Variants in C8orf34 observed in about 807,000 individuals in gnomAD.
The protein encoded by C8orf34 is uncharacterized protein C8orf34.
In C8orf34, 65 loss-of-function variants were observed where a neutral mutation model predicts 68.3. That is an observed-to-expected ratio of 0.95 (90% confidence interval 0.78 to 1.17). The LOEUF (loss-of-function observed/expected upper bound fraction) is 1.17, where lower values mean the gene tolerates loss of function less well. Ranked by LOEUF, C8orf34 falls within the 50% of genes most tolerant of loss-of-function variation. C8orf34 has a pLI of 0.00. For missense variants in C8orf34, 664 were observed against 655.4 expected (o/e 1.01, Z -0.14); for synonymous variants, 244 against 241.2 (o/e 1.01, Z -0.11).
intron 9 of C8orf34, among the ~76,000 whole-genome samples, 200 bp from the exon 10 acceptor site, chr8:68,721,161 C>T (rs1471366019): frequency 6.6e-6 from 1 of 151,888 alleles, no homozygotes; most frequent in Non-Finnish European, 1.5e-5. Context: ...TTGTGCCCTT[C>T]TAAATTAAAA....
At chr8:68,610,862 T>G (rs1022688139) in intron 7 of C8orf34, among the ~76,000 whole-genome samples, 27 of 86,368 alleles carry the variant, frequency 3.1e-4, no homozygotes, top group Non-Finnish European at 3.9e-4. Flanking sequence ...GAATCTTTGG[T>G]TTTTTTTTTT....
intron 7 of C8orf34, among the ~76,000 whole-genome samples, chr8:68,607,542 C>T (rs1347381): frequency 0.3 from 44,890 of 152,018 alleles, 8,450 homozygotes; most frequent in African/African-American, 0.55. Flanking sequence ...TCTCAAAGAC[C>T]CCTATCTCCA....
intron 1 of C8orf34, among the ~76,000 whole-genome samples, chr8:68,416,832 G>A (rs1334417504): frequency 6.6e-6 from 1 of 151,888 alleles, no homozygotes; most frequent in African/African-American, 2.4e-5. Flanking sequence ...TGCCTGACCT[G>A]AATTAGTATC....
chr8:68,540,180 G>A (rs115567821), intron 7 of C8orf34, among the ~76,000 whole-genome samples: 360 of 151,682 alleles, frequency 2.4e-3, no homozygotes, highest in African/African-American at 7.8e-3. Flanking sequence ...GAGCACTAAA[G>A]AACAAAATGG....
intron 8 of C8orf34, among the ~76,000 whole-genome samples, chr8:68,686,851 G>T (rs1820533787): frequency 6.6e-6 from 1 of 152,028 alleles, no homozygotes; most frequent in Admixed American, 6.6e-5. Flanking sequence ...GTTCACCAAT[G>T]ATATTATCCT....
chr8:68,803,661 GT>G (rs1824398201), intron 12 of C8orf34, among the ~76,000 whole-genome samples: 1 of 151,948 alleles, frequency 6.6e-6, no homozygotes, highest in African/African-American at 2.4e-5. Context: ...CTAAACAATT[GT>G]TTTTAAATAT....
At position 68,505,672 on chromosome 8, in the gene C8orf34, C is replaced by A. The variant is rs1022372123; in HGVS notation, c.766-16127C>A. On this transcript the variant is annotated intron_variant, in intron 5 of 13. Coordinates refer to ENST00000518698, the MANE Select transcript of C8orf34 (RefSeq NM_052958.4). ...CGTGAACCCGGGAAGCGGAGCTTGC[C>A]GTGAGCCGAGATTGCGCCACTGCAG... 3.9e-4 allele frequency among the ~76,000 whole-genome samples: 52 copies of A among 134,754 alleles called. 8 individuals carry two copies. The highest frequency in any genetic ancestry group is 4.8e-4 in the African/African-American group (14 of 29,206). 88.4% of individuals were successfully genotyped at this position (134,754 alleles called of 152,430 possible).
intron 5 of C8orf34, among the ~76,000 whole-genome samples, chr8:68,505,592 G>A (rs1399760933): frequency 2.3e-5 from 3 of 133,240 alleles, no homozygotes; most frequent in Admixed American, 1.4e-4. Flanking sequence ...TTAGCCGGGC[G>A]CGGTGGCGGG....
At chr8:68,774,944 T>TAAAAAAAAAAAAAAAAAAAAAAA (rs1224756627) in intron 10 of C8orf34, among the ~76,000 whole-genome samples, 972 of 44,448 alleles carry the variant, frequency 0.022, 107 homozygotes, top group Non-Finnish European at 0.025. Context: ...CTGTCTCCAC[T>TAAAAAAAAAAAAAAAAAAAAAAA]AAAAAAAAAA....
chr8:68,679,017 T>C (rs936310693), intron 8 of C8orf34, among the ~76,000 whole-genome samples: 8 of 152,076 alleles, frequency 5.3e-5, no homozygotes, highest in Non-Finnish European at 1.0e-4. Flanking sequence ...TAGCTACTAA[T>C]AGGCCAGGCA....
intron 1 of C8orf34, among the ~76,000 whole-genome samples, chr8:68,355,390 A>G (rs1258348545): frequency 1.3e-5 from 2 of 152,142 alleles, no homozygotes; most frequent in East Asian, 1.9e-4. Context: ...CTCTGTTAAC[A>G]TTGGAGTCTT....
At chr8:68,634,405 A>C (rs1818778397) in intron 7 of C8orf34, among the ~76,000 whole-genome samples, 1 of 152,242 alleles carries the variant, frequency 6.6e-6, no homozygotes, top group African/African-American at 2.4e-5. Context: ...TACATCTAGG[A>C]TATGTTCCTG....
At chr8:68,694,983 C>T (rs975186560) in intron 8 of C8orf34, among the ~76,000 whole-genome samples, 4 of 151,892 alleles carry the variant, frequency 2.6e-5, no homozygotes, top group Admixed American at 1.3e-4. Context: ...ATTCAAAAAA[C>T]GATTTACTAT....
intron 1 of C8orf34, among the ~76,000 whole-genome samples, chr8:68,335,469 A>T (rs1455480558): frequency 2.0e-5 from 3 of 152,202 alleles, no homozygotes; most frequent in Admixed American, 6.5e-5. Context: ...CAAAATTTGC[A>T]TTAATCTTTA....
Position 68,600,198 on chromosome 8 carries a change from A to C in C8orf34, c.1106-40178A>C, listed in dbSNP as rs140333428. Among the ~76,000 whole-genome samples the C allele has an allele frequency of 3.7e-3, 556 of 152,166 alleles. 7 individuals carry two copies. The highest frequency in any genetic ancestry group is 0.013 in the African/African-American group (533 of 41,550). ...ATACATATGTAATTTATCACAGTCT[A>C]CAGGTATTGATGTTTTACCACTTTG... On this transcript the variant is annotated intron_variant, in intron 7 of 13. Coordinates refer to ENST00000518698, the MANE Select transcript of C8orf34 (RefSeq NM_052958.4).
In C8orf34 at chr8:68,575,790, A is replaced by G. The variant is rs138557380; in HGVS notation, c.1105+42641A>G. Among the ~76,000 whole-genome samples the G allele has an allele frequency of 8.2e-3, 1,247 of 152,062 alleles. 21 individuals are homozygous for G. The highest frequency in any genetic ancestry group is 0.028 in the African/African-American group (1,175 of 41,504). ...GCTGTGGTTCCTGGTTTTCAGTAGC[A>G]TATCATTTTTGTTGAGATTTAATCA... On this transcript the variant is annotated intron_variant, in intron 7 of 13. Transcript: ENST00000518698.
intron 7 of C8orf34, chr8:68,534,593 A>C (rs7819503): frequency 0.53 from 518,841 of 976,748 alleles, 139,076 homozygotes; most frequent in African/African-American, 0.76. Flanking sequence ...GAAGCCGATT[A>C]CTCTGGCTAG....
chr8:68,354,712 G>C (rs928914176), intron 1 of C8orf34, among the ~76,000 whole-genome samples: 1 of 152,082 alleles, frequency 6.6e-6, no homozygotes, highest in African/African-American at 2.4e-5. Context: ...CTACCATCAA[G>C]GGTGTGTGAT....
intron 1 of C8orf34, among the ~76,000 whole-genome samples, chr8:68,428,609 A>G (rs80175759): frequency 0.052 from 7,917 of 152,184 alleles, 243 homozygotes; most frequent in Middle Eastern, 0.11. Flanking sequence ...GTCAAAAAAG[A>G]TAAGAGAAAA....
Sources: allele counts gnomAD v4.1 joint callset (sites outside exome capture counted in the v4.1 genomes callset), GRCh38; gene constraint gnomAD v4.1.1; transcripts MANE v1.5; gene names NCBI Gene and HGNC (gene_info 2026-07-23, HGNC 2026-07-21).